The following LOXHD1 variants were observed in gnomAD, a reference collection of about 807,000 sequenced individuals.
LOXHD1 encodes the protein lipoxygenase homology PLAT domains 1.
A neutral mutation model predicts 248.2 loss-of-function variants in LOXHD1; 205 were observed. The ratio of observed to expected loss-of-function variants is 0.83; its 90% CI spans 0.74 to 0.93. The LOEUF (loss-of-function observed/expected upper bound fraction) is 0.93, where lower values mean the gene tolerates loss of function less well. Among genes scored for constraint, LOXHD1 ranks in the 40% least tolerant of loss-of-function variants. LOXHD1 has a pLI of 0.00. For missense variants in LOXHD1, 2,930 were observed against 2,971.6 expected, an observed-to-expected ratio of 0.99 and a Z score of 0.33; for synonymous variants, 1,113 against 1,162.8, an observed-to-expected ratio of 0.96 and a Z score of 0.87.
intron 8 of LOXHD1, among the ~76,000 whole-genome samples, chr18:46,597,537 T>C (rs1736587657): frequency 9.6e-6 from 1 of 104,698 alleles, no homozygotes; most frequent in Non-Finnish European, 1.9e-5. Flanking sequence ...TCAATAGTGG[T>C]ACATGCGCAC....
At chr18:46,541,709 G>A in intron 25 of LOXHD1, 67 bp downstream of exon 25, 7 of 1,515,632 alleles carry the variant, frequency 4.6e-6, no homozygotes, top group Non-Finnish European at 6.3e-6. Context: ...GAAGAACTGG[G>A]GCTGAGTTGG....
chr18:46,617,677 G>A (rs893502356), intron 5 of LOXHD1, among the ~76,000 whole-genome samples: 8 of 151,966 alleles, frequency 5.3e-5, no homozygotes, highest in African/African-American at 1.9e-4. Flanking sequence ...AGAACCACCT[G>A]TCTCATTCTT....
chr18:46,557,512 C>A, intron 20 of LOXHD1, 23 bp from the exon 21 acceptor site: 2 of 1,551,708 alleles, frequency 1.3e-6, no homozygotes, highest in Non-Finnish European at 1.7e-6. Context: ...AGGGAACACT[C>A]AGTGGGGTAA....
chr18:46,547,728 C>T (rs974609289), intron 21 of LOXHD1, among the ~76,000 whole-genome samples: 11 of 152,184 alleles, frequency 7.2e-5, no homozygotes, highest in African/African-American at 2.4e-4. Flanking sequence ...GGCTCTACCA[C>T]TAATACTTGT....
rs1360592479 is a variant in LOXHD1, at chr18:46,538,259, T to C, written c.3992A>G (p.Tyr1331Cys). 2.6e-6 allele frequency: 4 copies of C among 1,551,328 alleles called. No homozygotes were observed. The highest frequency in any genetic ancestry group is 3.9e-5 in the Admixed American group (2 of 50,970). The change falls in exon 26 of 41, where the codon TAT becomes TGT. Residue 1331 changes from tyrosine to cysteine, a missense_variant. Coordinates refer to ENST00000642948, the MANE Select transcript of LOXHD1 (RefSeq NM_001384474.1). ...CTGGGTGCACACGGCATCGCAGCCA[T>C]AGATGATGATGAAGATGTTGGCATC... ...GTDANIFIII[Y>C]GCDAVCTQQK...
In LOXHD1 at chr18:46,577,769, G is replaced by A; in HGVS notation, c.1908C>T (p.Asp636=). 6.4e-7 allele frequency: 1 copy of A among 1,551,636 alleles called. No individual in the cohort carries two copies. The highest frequency in any genetic ancestry group is 8.7e-7 in the Non-Finnish European group (1 of 1,146,982). The change falls in exon 14 of 41, where the codon GAC becomes GAT. Residue 636 remains aspartate, a synonymous_variant. Coordinates refer to ENST00000642948, the MANE Select transcript of LOXHD1 (RefSeq NM_001384474.1). ...GCCCCTCCTCTCTCACCAGCACTCTGTCCAGGTACCAGCCGCTGCCGGAGC... is the reference window on the plus strand; with the variant it reads ...GCCCCTCCTCTCTCACCAGCACTCTATCCAGGTACCAGCCGCTGCCGGAGC... ...GKGSGSGWYL[D]RVLVREEGQP...
At chr18:46,521,344 G>T in intron 32 of LOXHD1, 62 bp from the exon 33 acceptor site, 3 of 1,519,178 alleles carry the variant, frequency 2.0e-6, no homozygotes, top group Non-Finnish European at 2.7e-6. Flanking sequence ...AGTGCTCCCT[G>T]CCCAGCCCCC....
rs750155249 is a variant in LOXHD1, at chr18:46,533,297, C to T, written c.4240G>A (p.Asp1414Asn). ...DGAETLTFPCDRWLATSEDDK... is the reference protein window; with the variant it reads ...DGAETLTFPCNRWLATSEDDK... ...TCCTCAGAGGTGGCAAGCCACCGAT[C>T]GCATGGGAAAGTCAAGGTCTCTGCA... Residue 1414 changes from aspartate to asparagine, a missense_variant, in exon 28 of 41, where the codon GAT (aspartate) becomes AAT (asparagine). Transcript: ENST00000642948. 1.5e-5 allele frequency: 24 copies of T among 1,551,666 alleles called. No individual in the cohort carries two copies. In the East Asian group the frequency reaches 1.7e-4, roughly 11 times the overall value.
intron 5 of LOXHD1, among the ~76,000 whole-genome samples, chr18:46,612,171 G>T (rs765995279): frequency 1.3e-5 from 2 of 151,974 alleles, no homozygotes; most frequent in Admixed American, 6.5e-5. Flanking sequence ...CTATTTTTTT[G>T]CTATTGCAAG....
In LOXHD1 at chr18:46,520,047, G is replaced by A. The variant is rs1380983270; in HGVS notation, c.5271+1050C>T. Among the ~76,000 whole-genome samples the A allele has an allele frequency of 2.6e-5, 4 of 152,314 alleles. No homozygotes were observed. In the East Asian group the frequency reaches 7.7e-4, roughly 29 times the overall value. On this transcript the variant is annotated intron_variant, in intron 33 of 40. Transcript: ENST00000642948. ...CAGAGGCACACACAGGCTGGGAAGT[G>A]GGTCAGGCGGAGGTCCCTGGATGAA...
At chr18:46,494,860 T>C (rs1452809456) in intron 37 of LOXHD1, among the ~76,000 whole-genome samples, 1 of 138,148 alleles carries the variant, frequency 7.2e-6, no homozygotes, top group Non-Finnish European at 1.6e-5. Flanking sequence ...TTTTTTTTTT[T>C]TTTTTTTTTT....
intron 5 of LOXHD1, among the ~76,000 whole-genome samples, chr18:46,612,539 T>C (rs2038523780): frequency 6.6e-6 from 1 of 152,200 alleles, no homozygotes; most frequent in Non-Finnish European, 1.5e-5. Flanking sequence ...TTTCCATTTA[T>C]ATCTTTTATT....
At chr18:46,494,849 CTTTT>C (rs58016824) in intron 37 of LOXHD1, among the ~76,000 whole-genome samples, 21,413 of 94,964 alleles carry the variant, frequency 0.23, 1,291 homozygotes, top group East Asian at 0.44. Flanking sequence ...TTCTCTCTCT[CTTTT>C]TTTTTTTTTT....
intron 29 of LOXHD1, among the ~76,000 whole-genome samples, chr18:46,526,464 G>A (rs117465392): frequency 3.3e-5 from 5 of 152,228 alleles, no homozygotes; most frequent in Non-Finnish European, 5.9e-5. Context: ...GTAATACCAC[G>A]GAATGGCTTA....
At chr18:46,553,028 A>C (rs1210239150) in intron 21 of LOXHD1, among the ~76,000 whole-genome samples, 1 of 152,036 alleles carries the variant, frequency 6.6e-6, no homozygotes, top group Non-Finnish European at 1.5e-5. Flanking sequence ...AGATGTCCCC[A>C]CCCATGACTC....
At chr18:46,620,718 T>C (rs577632862) in intron 4 of LOXHD1, among the ~76,000 whole-genome samples, 1 of 152,096 alleles carries the variant, frequency 6.6e-6, no homozygotes, top group Admixed American at 6.5e-5. Flanking sequence ...GAAAGTGCCA[T>C]AGGTGAGAGG....
At chr18:46,597,316 TA>T (rs1326011667) in intron 8 of LOXHD1, among the ~76,000 whole-genome samples, 1 of 151,938 alleles carries the variant, frequency 6.6e-6, no homozygotes, top group Non-Finnish European at 1.5e-5. Flanking sequence ...AAAGAAACAG[TA>T]AAAGCAGAAC....
intron 37 of LOXHD1, among the ~76,000 whole-genome samples, chr18:46,492,730 A>T (rs1376079): frequency 0.43 from 65,300 of 151,976 alleles, 15,291 homozygotes; most frequent in East Asian, 0.68. Flanking sequence ...AGTAACAAAC[A>T]CTCTACACTA....
At chr18:46,509,654 G>A (rs373608245) in intron 35 of LOXHD1, 44 bp downstream of exon 35, 36 of 1,380,756 alleles carry the variant, frequency 2.6e-5, no homozygotes, top group Admixed American at 1.8e-4. Flanking sequence ...AGGGGAAGGG[G>A]TGGGTGGTGG....
Sources: allele counts gnomAD v4.1 joint callset (sites outside exome capture counted in the v4.1 genomes callset), GRCh38; gene constraint gnomAD v4.1.1; transcripts MANE v1.5; gene names NCBI Gene and HGNC (gene_info 2026-07-23, HGNC 2026-07-21).